Variants in DPP10 observed in about 807,000 individuals in gnomAD.
The protein encoded by DPP10 is dipeptidyl peptidase like 10, also known as inactive dipeptidyl peptidase 10.
A neutral mutation model predicts 120.9 loss-of-function variants in DPP10; 33 were observed. That is an observed-to-expected ratio of 0.27 (90% CI 0.21 to 0.37). The LOEUF (loss-of-function observed/expected upper bound fraction) is 0.37, where lower values mean the gene tolerates loss of function less well. Ranked by LOEUF, DPP10 falls within the 10% of genes least tolerant of loss-of-function variation. The pLI is 1.00. For missense variants in DPP10, 816 were observed against 942.8 expected (o/e 0.87, Z 1.76); for synonymous variants, 337 against 326.1 (o/e 1.03, Z -0.36).
intron 1 of DPP10, among the ~76,000 whole-genome samples, chr2:114,635,878 T>C (rs1317207571): frequency 6.6e-6 from 1 of 151,920 alleles, no homozygotes; most frequent in African/African-American, 2.4e-5. Context: ...CATGAGGATA[T>C]TCCAAATGTT....
intron 1 of DPP10, among the ~76,000 whole-genome samples, chr2:115,098,138 G>A (rs2048492157): frequency 6.6e-6 from 1 of 152,164 alleles, no homozygotes; most frequent in Non-Finnish European, 1.5e-5. Flanking sequence ...GATGAGGGAT[G>A]GGTGCACACG....
At chr2:115,556,102 A>G (rs1393041678) in intron 5 of DPP10, among the ~76,000 whole-genome samples, 1 of 152,144 alleles carries the variant, frequency 6.6e-6, no homozygotes, top group Non-Finnish European at 1.5e-5. Flanking sequence ...GTTTAAAAGC[A>G]TAACCTAAAG....
chr2:115,327,345 T>C (rs2062428850), intron 2 of DPP10, among the ~76,000 whole-genome samples: 1 of 152,076 alleles, frequency 6.6e-6, no homozygotes, highest in Non-Finnish European at 1.5e-5. Flanking sequence ...TGACATGTGA[T>C]TGTACAGTTG....
At chr2:114,599,921 TTTC>T (rs2105219970) in intron 1 of DPP10, among the ~76,000 whole-genome samples, 1 of 151,918 alleles carries the variant, frequency 6.6e-6, no homozygotes, top group South Asian at 2.1e-4. Flanking sequence ...TTGAAGTATT[TTTC>T]TTTCTCCATT....
intron 1 of DPP10, among the ~76,000 whole-genome samples, chr2:114,445,975 T>A (rs1677920976): frequency 6.6e-6 from 1 of 152,188 alleles, no homozygotes. Context: ...AGAAAGCTTT[T>A]CCTGATGTGA....
chr2:115,752,140 T>A (rs1167120439), intron 10 of DPP10, among the ~76,000 whole-genome samples: 4 of 152,192 alleles, frequency 2.6e-5, no homozygotes, highest in Non-Finnish European at 5.9e-5. Context: ...TTGATGACAC[T>A]TTCCGTGACA....
At chr2:115,122,681 C>T (rs2049884273) in intron 1 of DPP10, among the ~76,000 whole-genome samples, 1 of 152,218 alleles carries the variant, frequency 6.6e-6, no homozygotes, top group South Asian at 2.1e-4. Flanking sequence ...GAGCACAAGA[C>T]CATTTCAGAA....
chr2:115,799,701 T>G (rs555522794), intron 19 of DPP10, among the ~76,000 whole-genome samples: 26 of 150,914 alleles, frequency 1.7e-4, no homozygotes, highest in Middle Eastern at 6.9e-3. Flanking sequence ...TTTTTGTCCT[T>G]GCGATAGTTT....
intron 19 of DPP10, among the ~76,000 whole-genome samples, chr2:115,804,449 T>C (rs978203560): frequency 2.6e-5 from 4 of 152,234 alleles, no homozygotes; most frequent in Admixed American, 6.5e-5. Flanking sequence ...TCATTCTCCA[T>C]GCAGCTTCGT....
chr2:115,499,853 A>G (rs1021790095), intron 4 of DPP10, among the ~76,000 whole-genome samples: 3 of 152,030 alleles, frequency 2.0e-5, no homozygotes, highest in Middle Eastern at 3.2e-3. Context: ...AGTTGCTTAG[A>G]AAGAATAATT....
chr2:115,101,710 C>G (rs1038323551), intron 1 of DPP10, among the ~76,000 whole-genome samples: 1 of 152,296 alleles, frequency 6.6e-6, no homozygotes, highest in Middle Eastern at 3.4e-3. Context: ...TGGATTGTTT[C>G]AACATGCCAA....
rs529364094 is a variant in DPP10, at chr2:115,620,784, A to G, written c.442-68903A>G. ...TTTAGGTAACTTCCTTGAAGAATATAGTACTAAGGCAGAATGACCATATAA... is the reference window on the plus strand; with the variant it reads ...TTTAGGTAACTTCCTTGAAGAATATGGTACTAAGGCAGAATGACCATATAA... On this transcript the variant is annotated intron_variant, in intron 5 of 25. Transcript: ENST00000410059. 1.3e-4 allele frequency among the ~76,000 whole-genome samples: 20 copies of G among 152,356 alleles called. No homozygotes were observed. The South Asian group carries it at 3.5e-3, about 27-fold the overall frequency.
chr2:115,639,941 T>A lies in DPP10; in HGVS notation c.442-49746T>A, dbSNP rs187851722. Among the ~76,000 whole-genome samples, 15 of 151,708 alleles carry A rather than the reference T, an allele frequency of 9.9e-5. No homozygotes were observed. The East Asian group carries it at 2.3e-3, about 24-fold the overall frequency. On this transcript the variant is annotated intron_variant, in intron 5 of 25. Transcript: ENST00000410059. ...ACCAGATATATAAGTGATTTTTTTT[T>A]AACTGACTCATACAGTAGATTTTTT...
chr2:115,379,888 T>C (rs1324671441), intron 3 of DPP10, among the ~76,000 whole-genome samples: 1 of 152,222 alleles, frequency 6.6e-6, no homozygotes, highest in East Asian at 1.9e-4. Context: ...AATCCTGAGT[T>C]CTAGTTTGAT....
intron 1 of DPP10, among the ~76,000 whole-genome samples, chr2:114,802,401 A>C (rs1355389901): frequency 6.6e-6 from 1 of 152,208 alleles, no homozygotes; most frequent in Non-Finnish European, 1.5e-5. Context: ...GGTAGATCGG[A>C]GATGTATCTT....
At chr2:115,791,469 T>C (rs1312373532) in intron 19 of DPP10, 113 bp downstream of exon 19, 2 of 881,664 alleles carry the variant, frequency 2.3e-6, no homozygotes, top group East Asian at 2.7e-5. Context: ...GTGTAGTTAA[T>C]CAGGACAGCT....
At chr2:114,700,637 G>A (rs916987856) in intron 1 of DPP10, among the ~76,000 whole-genome samples, 4 of 151,934 alleles carry the variant, frequency 2.6e-5, no homozygotes, top group Admixed American at 6.6e-5. Context: ...ATTTGACCAC[G>A]TCACTTCCTC....
rs1484762992 is a variant in DPP10 at position 115,714,434 on chromosome 2, T to G, written c.577-13382T>G. 2.6e-5 allele frequency among the ~76,000 whole-genome samples: 4 copies of G among 152,320 alleles called. No homozygotes were observed. The East Asian group carries it at 7.7e-4, about 29-fold the overall frequency. On this transcript the variant is annotated intron_variant, in intron 7 of 25. Transcript: ENST00000410059. ...CATTGTATCTCCAAAATTGGACCAG[T>G]ATTGTACTAGCCAGTTTTTAGGTGG...
At chr2:114,826,172 C>T (rs1686514879) in intron 1 of DPP10, among the ~76,000 whole-genome samples, 1 of 151,982 alleles carries the variant, frequency 6.6e-6, no homozygotes, top group African/African-American at 2.4e-5. Context: ...AAAATGTATG[C>T]CCTGGGTAGC....
Sources: gnomAD v4.1 joint callset for allele counts (sites outside exome capture counted in the v4.1 genomes callset) on GRCh38, gnomAD v4.1.1 for gene constraint, MANE v1.5 for transcripts, NCBI Gene and HGNC (gene_info 2026-07-23, HGNC 2026-07-21) for gene names.